SYT9: variants seen among roughly 807,000 people sequenced by gnomAD.
SYT9 encodes synaptotagmin-9.
Under a neutral mutation model 48.4 loss-of-function variants are expected in SYT9, and 22 were observed. The observed-to-expected ratio is 0.45, with a 90% CI of 0.32 to 0.65. The LOEUF is 0.65. SYT9 is among the 30% of genes least tolerant of loss of function. The probability of loss-of-function intolerance (pLI) is 0.03; values close to 1 mark genes in which losing one functional copy is unlikely to be tolerated. For missense variants in SYT9, 577 were observed against 622.0 expected (o/e 0.93, Z 0.77); for synonymous variants, 265 against 245.0 (o/e 1.08, Z -0.76).
chr11:7,374,856 C>G (rs1455901144), intron 3 of SYT9, among the ~76,000 whole-genome samples: 4 of 152,104 alleles, frequency 2.6e-5, no homozygotes, highest in Non-Finnish European at 1.5e-5. Flanking sequence ...AAAATTTTCT[C>G]CCATTCTGTA....
intron 6 of SYT9, among the ~76,000 whole-genome samples, chr11:7,459,658 G>T (rs1848207069): frequency 6.6e-6 from 1 of 152,154 alleles, no homozygotes; most frequent in South Asian, 2.1e-4. Flanking sequence ...ACCTTATTTG[G>T]AAATAAGGTC....
intron 1 of SYT9, among the ~76,000 whole-genome samples, chr11:7,254,042 C>T (rs1226243702): frequency 3.9e-5 from 6 of 152,170 alleles, no homozygotes; most frequent in Non-Finnish European, 7.4e-5. Context: ...TCTGCTTCTA[C>T]TCCTTTTAAT....
intron 6 of SYT9, among the ~76,000 whole-genome samples, chr11:7,445,275 C>T (rs1003220870): frequency 4.6e-5 from 7 of 152,140 alleles, no homozygotes; most frequent in Non-Finnish European, 1.0e-4. Flanking sequence ...AGGAGAGAGG[C>T]AGAAGGGAGA....
At chr11:7,426,536 T>G (rs1303300793) in intron 6 of SYT9, among the ~76,000 whole-genome samples, 3 of 152,202 alleles carry the variant, frequency 2.0e-5, no homozygotes, top group Admixed American at 2.0e-4. Flanking sequence ...CACAGGAGAC[T>G]CAGTGCCATC....
chr11:7,259,023 T>G (rs1564838841), intron 1 of SYT9, among the ~76,000 whole-genome samples: 1 of 152,080 alleles, frequency 6.6e-6, no homozygotes, highest in Non-Finnish European at 1.5e-5. Flanking sequence ...GCCAGTTCAA[T>G]TTGAATTTCA....
At chr11:7,436,971 T>C (rs1054860925) in intron 6 of SYT9, among the ~76,000 whole-genome samples, 7 of 152,238 alleles carry the variant, frequency 4.6e-5, no homozygotes, top group Non-Finnish European at 2.9e-5. Context: ...TGTGTGAGGA[T>C]GATTAAATGA....
At chr11:7,419,494 A>T (rs1393840373) in intron 5 of SYT9, among the ~76,000 whole-genome samples, 1 of 152,162 alleles carries the variant, frequency 6.6e-6, no homozygotes, top group Non-Finnish European at 1.5e-5. Context: ...GATCCCATAG[A>T]ATTAAAGAAT....
chr11:7,440,542 C>T (rs1335698659), intron 6 of SYT9: 1 of 152,218 alleles, frequency 6.6e-6, no homozygotes, highest in Non-Finnish European at 1.5e-5. Context: ...CTCTTCAAAG[C>T]CACTGCTTCT....
chr11:7,306,046 G>A (rs947611278), intron 2 of SYT9, among the ~76,000 whole-genome samples: 1 of 152,034 alleles, frequency 6.6e-6, no homozygotes, highest in African/African-American at 2.4e-5. Context: ...AAGCATGTTC[G>A]GTGTCTAGTT....
intron 3 of SYT9, among the ~76,000 whole-genome samples, chr11:7,342,911 C>T (rs1849738457): frequency 1.3e-5 from 2 of 152,188 alleles, no homozygotes; most frequent in African/African-American, 4.8e-5. Flanking sequence ...TCTGTGCACC[C>T]ACAGGCTCAA....
intron 2 of SYT9, 38 bp from the exon 3 acceptor site, chr11:7,313,357 A>G (rs2133952365): frequency 6.4e-7 from 1 of 1,551,490 alleles, no homozygotes; most frequent in South Asian, 1.3e-5. Context: ...CATAGCTAAT[A>G]AGGTTATAAC....
intron 3 of SYT9, among the ~76,000 whole-genome samples, chr11:7,367,725 T>C (rs983130612): frequency 1.3e-5 from 2 of 152,222 alleles, no homozygotes; most frequent in Non-Finnish European, 2.9e-5. Flanking sequence ...TGCTTTTTGA[T>C]ATTGCTGTGT....
chr11:7,316,344 G>A (rs1231774734), intron 3 of SYT9, among the ~76,000 whole-genome samples: 1 of 151,880 alleles, frequency 6.6e-6, no homozygotes, highest in East Asian at 1.9e-4. Flanking sequence ...AAATATATAT[G>A]CATATACATA....
At chr11:7,410,661 A>T (rs1847119573) in intron 3 of SYT9, among the ~76,000 whole-genome samples, 1 of 152,134 alleles carries the variant, frequency 6.6e-6, no homozygotes, top group South Asian at 2.1e-4. Context: ...TGATCTAAGT[A>T]TAGCTACTTC....
rs71059105 is a variant in SYT9 at position 7,393,960 on chromosome 11, CTTT to C, written c.1045-22071_1045-22069del. 1.7e-3 allele frequency among the ~76,000 whole-genome samples: 242 copies of C among 145,568 alleles called. 2 individuals are homozygous for C. Among genetic ancestry groups the C allele is most frequent in the African/African-American group, 5.7e-3 (227 of 39,708 alleles). On this transcript the variant is annotated intron_variant, in intron 3 of 6. Coordinates refer to ENST00000318881, the MANE Select transcript of SYT9 (RefSeq NM_175733.4). ...AATGTCACCATTGTCATTTCTTTTT[CTTT>C]TTTTTTTTTTAATATACTTTAAGTT...
At chr11:7,346,371 CG>C (rs1849801377) in intron 3 of SYT9, among the ~76,000 whole-genome samples, 1 of 152,170 alleles carries the variant, frequency 6.6e-6, no homozygotes, top group East Asian at 1.9e-4. Flanking sequence ...GAGACCCCAT[CG>C]GATGGCACGA....
At chr11:7,394,835 T>A (rs1475521679) in intron 3 of SYT9, among the ~76,000 whole-genome samples, 1 of 152,156 alleles carries the variant, frequency 6.6e-6, no homozygotes, top group African/African-American at 2.4e-5. Context: ...ACTTTACTCT[T>A]AACACTGCTT....
intron 3 of SYT9, among the ~76,000 whole-genome samples, chr11:7,391,839 C>T (rs1846624682): frequency 6.7e-6 from 1 of 149,936 alleles, no homozygotes; most frequent in Admixed American, 6.7e-5. Flanking sequence ...TCACTTGAGC[C>T]CAGGAGGTCG....
chr11:7,309,612 A>G (rs1849093366), intron 2 of SYT9, among the ~76,000 whole-genome samples: 1 of 152,038 alleles, frequency 6.6e-6, no homozygotes, highest in African/African-American at 2.4e-5. Flanking sequence ...ATGGCTCTAT[A>G]TTCCGTATCT....
Sources: gnomAD v4.1 joint callset for allele counts (sites outside exome capture counted in the v4.1 genomes callset) on GRCh38, gnomAD v4.1.1 for gene constraint, MANE v1.5 for transcripts, NCBI Gene and HGNC (gene_info 2026-07-23, HGNC 2026-07-21) for gene names.